WDFY3: variants seen among roughly 807,000 people sequenced by gnomAD.
WDFY3 encodes the protein WD repeat and FYVE domain containing 3, also known as WD repeat and FYVE domain-containing protein 3.
Under a neutral mutation model 409.6 loss-of-function variants are expected in WDFY3, and 66 were observed. That is an observed-to-expected ratio of 0.16 (90% CI 0.13 to 0.20). The LOEUF (loss-of-function observed/expected upper bound fraction) is 0.20, where lower values mean the gene tolerates loss of function less well. WDFY3 is among the 10% of genes least tolerant of loss of function. WDFY3 has a pLI of 1.00. For synonymous variants in WDFY3, 1,521 were observed against 1,537.1 expected, an observed-to-expected ratio of 0.99 and a Z score of 0.25; for missense variants, 3,031 against 4,298.1, an observed-to-expected ratio of 0.71 and a Z score of 8.24.
At chr4:84,870,176 T>C (rs1024337672) in intron 3 of WDFY3, among the ~76,000 whole-genome samples, 2 of 152,140 alleles carry the variant, frequency 1.3e-5, no homozygotes, top group Non-Finnish European at 2.9e-5. Context: ...TAAAAGAACA[T>C]GTACTAATAT....
At chr4:84,839,170 G>C (rs1756992245) in intron 6 of WDFY3, among the ~76,000 whole-genome samples, 1 of 151,936 alleles carries the variant, frequency 6.6e-6, no homozygotes, top group African/African-American at 2.4e-5. Context: ...AAGTGATTAG[G>C]TTTTTATAGA....
Position 84,833,684 on chromosome 4 carries a change from A to AG in WDFY3, c.577-2080_577-2079insC, listed in dbSNP as rs1244091440. Among the ~76,000 whole-genome samples the AG allele has an allele frequency of 8.7e-4, 132 of 151,578 alleles. 3 individuals are homozygous for AG. The highest frequency in any genetic ancestry group is 3.0e-3 in the African/African-American group (125 of 41,144). ...AGAAAAAGAAAAGAAAAGAAAAGAAAAGAAAAGAGAAGAGAAGAGAAGAGA... is the reference window on the plus strand; with the variant it reads ...AGAAAAAGAAAAGAAAAGAAAAGAAAGAGAAAAGAGAAGAGAAGAGAAGAGA... On this transcript the variant is annotated intron_variant, in intron 7 of 67. Transcript: ENST00000295888.
chr4:84,841,673 T>C (rs1158887014), intron 5 of WDFY3, among the ~76,000 whole-genome samples: 3 of 152,204 alleles, frequency 2.0e-5, no homozygotes, highest in Non-Finnish European at 4.4e-5. Flanking sequence ...CAAAGAACTG[T>C]GATAACACTT....
chr4:84,673,427 A>G (rs1427843840), intron 67 of WDFY3, among the ~76,000 whole-genome samples: 2 of 152,100 alleles, frequency 1.3e-5, no homozygotes, highest in Non-Finnish European at 2.9e-5. Flanking sequence ...AGACTCACTA[A>G]TGAGTATCTA....
rs560896987 is a variant in WDFY3, at chr4:84,714,829, A to G, written c.7961+469T>C. On this transcript the variant is annotated intron_variant, in intron 50 of 67. Transcript: ENST00000295888. ...GCCGGGGATGGTGGCGGGTGCCTGC[A>G]GTTCCAGCTACTCGGGAGGCTGAGG... Among the ~76,000 whole-genome samples, 5 of 152,088 alleles carry G rather than the reference A, an allele frequency of 3.3e-5. No homozygotes were observed. The East Asian group carries it at 9.7e-4, about 30-fold the overall frequency.
chr4:84,917,053 G>A (rs1368628211), intron 2 of WDFY3, among the ~76,000 whole-genome samples: 6 of 152,028 alleles, frequency 3.9e-5, no homozygotes, highest in Non-Finnish European at 2.9e-5. Flanking sequence ...TCACACACAC[G>A]AAAAATAGAT....
Position 84,926,210 on chromosome 4 carries a change from G to GA in WDFY3, c.-132+6059dup, listed in dbSNP as rs1367582174. Among the ~76,000 whole-genome samples the GA allele has an allele frequency of 4.8e-3, 341 of 71,530 alleles. 4 individuals carry two copies. Among genetic ancestry groups the GA allele is most frequent in the East Asian group, 0.046 (120 of 2,584 alleles). The allele number at this position is 71,530 out of a possible 152,430, so 46.9% of individuals were successfully genotyped here. Reference sequence around the variant, plus strand: ...ACAGAGTGAGACTCCGTCTCTAAAAGAAAAAAAAAAAAAAAATCAATGTGA... The same window carrying GA: ...ACAGAGTGAGACTCCGTCTCTAAAAGAAAAAAAAAAAAAAAAATCAATGTGA... On this transcript the variant is annotated intron_variant, in intron 2 of 67. Transcript: ENST00000295888.
At chr4:84,916,914 G>A (rs1385902254) in intron 2 of WDFY3, among the ~76,000 whole-genome samples, 1 of 152,064 alleles carries the variant, frequency 6.6e-6, no homozygotes, top group Non-Finnish European at 1.5e-5. Flanking sequence ...GATAAAAGAT[G>A]TTTGCTGGCT....
chr4:84,919,605 T>C (rs1320681749), intron 2 of WDFY3, among the ~76,000 whole-genome samples: 1 of 152,114 alleles, frequency 6.6e-6, no homozygotes, highest in Non-Finnish European at 1.5e-5. Flanking sequence ...GTTACCTCCA[T>C]GTTGTTCTCA....
chr4:84,767,997 C>A (rs1412223512), intron 30 of WDFY3, among the ~76,000 whole-genome samples: 1 of 152,130 alleles, frequency 6.6e-6, no homozygotes, highest in East Asian at 1.9e-4. Flanking sequence ...GTATGAGGAT[C>A]GCTGGAGCCC....
In WDFY3 at chr4:84,733,592, C is replaced by G; in HGVS notation, c.7011G>C (p.Leu2337=). Residue 2337 remains leucine (L), a synonymous_variant, in exon 44 of 68, where the codon CTG becomes CTC. Coordinates refer to ENST00000295888, the MANE Select transcript of WDFY3 (RefSeq NM_014991.6). ...KEYQERQQNA[L]KYVTEEWCQI... is the part of the protein sequence containing the mutation. ...GACACCACTCTTCTGTCACGTACTTCAGGGCATTCTGCTGACGCTGACAGG... is the reference window on the plus strand; with the variant it reads ...GACACCACTCTTCTGTCACGTACTTGAGGGCATTCTGCTGACGCTGACAGG... 6.2e-7 allele frequency: 1 copy of G among 1,612,258 alleles called. No homozygotes were observed. Among genetic ancestry groups the G allele is most frequent in the Non-Finnish European group, 8.5e-7 (1 of 1,179,058 alleles).
At chr4:84,933,486 A>T (rs1771024785) in intron 1 of WDFY3, among the ~76,000 whole-genome samples, 2 of 152,124 alleles carry the variant, frequency 1.3e-5, no homozygotes, top group South Asian at 4.1e-4. Flanking sequence ...TAATAATCAC[A>T]TCAGGGTAAA....
At chr4:84,691,901 G>A (rs1729328685) in intron 59 of WDFY3, 116 bp from the exon 60 acceptor site, 4 of 988,132 alleles carry the variant, frequency 4.0e-6, no homozygotes, top group African/African-American at 1.6e-5. Context: ...TACCTACGTT[G>A]AGAAAAAATG....
chr4:84,701,225 A>C (rs1376738669), intron 56 of WDFY3, among the ~76,000 whole-genome samples: 1 of 152,238 alleles, frequency 6.6e-6, no homozygotes, highest in African/African-American at 2.4e-5. Context: ...TCTAATTCTA[A>C]GTCCTAAAGT....
At chr4:84,814,316 C>T (rs747127886) in intron 13 of WDFY3, among the ~76,000 whole-genome samples, 4 of 152,162 alleles carry the variant, frequency 2.6e-5, no homozygotes, top group Non-Finnish European at 5.9e-5. Context: ...AAGTTGATAT[C>T]CCTAGAGTCC....
At chr4:84,818,201 A>G (rs942360722) in intron 12 of WDFY3, among the ~76,000 whole-genome samples, 4 of 152,208 alleles carry the variant, frequency 2.6e-5, no homozygotes, top group Admixed American at 2.6e-4. Flanking sequence ...AGTAAGCAAC[A>G]GAAAAGGATG....
chr4:84,740,211 C>G lies in WDFY3; in HGVS notation c.6440G>C (p.Cys2147Ser). ...CCTTCCAACATGTAGATTTATCAAG[C>G]AGTGGGCCAGACAGCTAATGAATTC... is the stretch of plus-strand genomic sequence containing the variant. The part of the protein sequence containing the change: ...DQEFISCLAH[C>S]LINLHVGSNV... The change falls in exon 39 of 68, where the codon TGC becomes TCC. Residue 2147 changes from cysteine to serine, a missense_variant. By Grantham distance (112) the Cys-to-Ser change is moderately radical. Coordinates refer to ENST00000295888, the MANE Select transcript of WDFY3 (RefSeq NM_014991.6). 1 of 1,614,082 alleles carries G rather than the reference C, an allele frequency of 6.2e-7. No homozygotes were observed. Among genetic ancestry groups the G allele is most frequent in the Non-Finnish European group, 8.5e-7 (1 of 1,180,008 alleles).
chr4:84,756,873 G>A lies in WDFY3; in HGVS notation c.5424+53C>T, dbSNP rs193090775. On this transcript the variant is annotated intron_variant, in intron 33 of 67. Coordinates refer to ENST00000295888, the MANE Select transcript of WDFY3 (RefSeq NM_014991.6). Reference sequence around the variant, plus strand: ...TTACAGTGATTATCCATTATCCTACGGTGATTCTTTGGAATACGTAATTTC... The same window carrying A: ...TTACAGTGATTATCCATTATCCTACAGTGATTCTTTGGAATACGTAATTTC... The A allele has an allele frequency of 5.9e-4, 904 of 1,533,800 alleles. 9 individuals carry two copies. In the African/African-American group the frequency reaches 0.011, roughly 19 times the overall value.
chr4:84,815,662 G>C (rs552672853), intron 13 of WDFY3, among the ~76,000 whole-genome samples: 1 of 152,160 alleles, frequency 6.6e-6, no homozygotes, highest in South Asian at 2.1e-4. Flanking sequence ...CTAATAATCA[G>C]ATTCATATTA....
Sources: gnomAD v4.1 joint callset for allele counts (sites outside exome capture counted in the v4.1 genomes callset) on GRCh38, gnomAD v4.1.1 for gene constraint, MANE v1.5 for transcripts, NCBI Gene and HGNC (gene_info 2026-07-23, HGNC 2026-07-21) for gene names.